The following LUC7L2 variants were observed in gnomAD, a reference collection of about 807,000 sequenced individuals.
LUC7L2 encodes the protein putative RNA-binding protein Luc7-like 2.
A neutral mutation model predicts 52.8 loss-of-function variants in LUC7L2; 25 were observed. That is an observed-to-expected ratio of 0.47 (90% CI 0.34 to 0.66). The LOEUF (loss-of-function observed/expected upper bound fraction) is 0.66. Ranked by LOEUF, LUC7L2 falls within the 30% of genes least tolerant of loss-of-function variation. LUC7L2 has a pLI of 0.01. For synonymous variants in LUC7L2, 144 were observed against 160.9 expected (o/e 0.89, Z 0.80); for missense variants, 328 against 497.8 (o/e 0.66, Z 3.25).
chr7:139,420,665 A>G (rs1232657442), intron 9 of LUC7L2, among the ~76,000 whole-genome samples: 1 of 152,208 alleles, frequency 6.6e-6, no homozygotes, highest in African/African-American at 2.4e-5. Context: ...TTTTTTAGTT[A>G]TTACTGATCA....
At chr7:139,421,768 CAGAT>C (rs1440555951) in intron 9 of LUC7L2, among the ~76,000 whole-genome samples, 1 of 152,192 alleles carries the variant, frequency 6.6e-6, no homozygotes, top group Non-Finnish European at 1.5e-5. Context: ...TGCAGTACCC[CAGAT>C]AGTCACCATC....
At chr7:139,421,193 T>G (rs1795890114) in intron 9 of LUC7L2, among the ~76,000 whole-genome samples, 1 of 152,260 alleles carries the variant, frequency 6.6e-6, no homozygotes, top group African/African-American at 2.4e-5. Flanking sequence ...CCTCCTTAAC[T>G]ATATTTCTAA....
At chr7:139,393,260 C>CGAT (rs1569383576) in intron 2 of LUC7L2, among the ~76,000 whole-genome samples, 1 of 151,900 alleles carries the variant, frequency 6.6e-6, no homozygotes, top group African/African-American at 2.4e-5. Context: ...GAGCGAGACT[C>CGAT]TGTCTCCAAA....
At chr7:139,341,361 C>A in intron 1 of LUC7L2, 1 of 1,595,640 alleles carries the variant, frequency 6.3e-7, no homozygotes, top group Non-Finnish European at 8.6e-7. Flanking sequence ...CCGTTGGGCA[C>A]CACGCTCGGA....
intron 1 of LUC7L2, among the ~76,000 whole-genome samples, chr7:139,350,716 G>GC (rs1311099325): frequency 1.3e-5 from 2 of 148,766 alleles, no homozygotes; most frequent in South Asian, 2.2e-4. Context: ...TCGCCCAGTT[G>GC]CCAGGCTGGA....
intron 2 of LUC7L2, among the ~76,000 whole-genome samples, chr7:139,386,947 C>A (rs1794228621): frequency 6.6e-6 from 1 of 152,104 alleles, no homozygotes; most frequent in African/African-American, 2.4e-5. Context: ...TCAAGCGATT[C>A]TCCTGCCTCA....
chr7:139,395,894 C>CA (rs1257720067), intron 2 of LUC7L2, among the ~76,000 whole-genome samples: 1 of 152,166 alleles, frequency 6.6e-6, no homozygotes, highest in East Asian at 1.9e-4. Flanking sequence ...GTGATCCTCC[C>CA]ACCTTGGCCC....
intron 1 of LUC7L2, 82 bp downstream of exon 1, chr7:139,360,404 C>T: frequency 7.4e-7 from 1 of 1,359,978 alleles, no homozygotes; most frequent in Non-Finnish European, 1.0e-6. Flanking sequence ...CACCTGGGCG[C>T]GCGCGTGTGG....
chr7:139,365,156 A>C (rs750534965), intron 1 of LUC7L2, among the ~76,000 whole-genome samples: 1 of 152,304 alleles, frequency 6.6e-6, no homozygotes. Context: ...GAAAAAAGAA[A>C]AGTTTTCCTC....
chr7:139,406,221 T>C (rs1795107413), intron 5 of LUC7L2, among the ~76,000 whole-genome samples: 2 of 151,986 alleles, frequency 1.3e-5, no homozygotes, highest in South Asian at 4.2e-4. Flanking sequence ...CTGGCTAATA[T>C]TTATATTTTT....
intron 2 of LUC7L2, among the ~76,000 whole-genome samples, chr7:139,391,067 T>C (rs1794430321): frequency 6.6e-6 from 1 of 152,238 alleles, no homozygotes; most frequent in Admixed American, 6.5e-5. Context: ...TGGAGAGGTT[T>C]CCATATCAGT....
At chr7:139,355,900 A>C (rs903866148), upstream of LUC7L2, among the ~76,000 whole-genome samples, 29 of 152,274 alleles carry the variant, frequency 1.9e-4, no homozygotes, top group African/African-American at 6.5e-4. Flanking sequence ...CTCATTGTTC[A>C]ATGAGTCCAT....
chr7:139,409,467 T>G, intron 6 of LUC7L2, 96 bp from the exon 7 acceptor site: 1 of 1,388,924 alleles, frequency 7.2e-7, no homozygotes, highest in Non-Finnish European at 9.4e-7. Flanking sequence ...TGACAGCAGT[T>G]GTACTGTATT....
intron 2 of LUC7L2, among the ~76,000 whole-genome samples, chr7:139,393,220 T>C (rs527851034): frequency 6.6e-6 from 1 of 151,944 alleles, no homozygotes; most frequent in African/African-American, 2.4e-5. Flanking sequence ...TGAGCTGAGA[T>C]TGCACCACTG....
chr7:139,397,621 G>A (rs1170405791), intron 2 of LUC7L2, among the ~76,000 whole-genome samples: 1 of 152,124 alleles, frequency 6.6e-6, no homozygotes, highest in Non-Finnish European at 1.5e-5. Flanking sequence ...TCTCCGCCTT[G>A]CTTTCATCAC....
intron 1 of LUC7L2, among the ~76,000 whole-genome samples, chr7:139,349,324 C>G (rs771164464): frequency 2.0e-5 from 3 of 152,176 alleles, no homozygotes; most frequent in African/African-American, 7.2e-5. Flanking sequence ...GAAGTGTATG[C>G]GTATTATGTT....
Position 139,359,950 on chromosome 7 carries a change from C to G in LUC7L2, c.-312C>G, listed in dbSNP as rs1799776243. 1 of 421,376 alleles carries G rather than the reference C, an allele frequency of 2.4e-6. No homozygotes were observed. Among genetic ancestry groups the G allele is most frequent in the Non-Finnish European group, 4.2e-6 (1 of 238,020 alleles). The allele number at this position is 421,376 out of a possible 1,614,324, so 26.1% of individuals were successfully genotyped here. On this transcript the variant is annotated 5_prime_UTR_variant, in exon 1 of 10. Transcript: ENST00000354926. ...GCGTCAGAGCTTGAGGGGGGGTTGA[C>G]GGCTTCTGGCGGGTGGCGGTGTTGA...
intron 1 of LUC7L2, chr7:139,341,444 C>T (rs776084824): frequency 6.2e-6 from 10 of 1,613,492 alleles, no homozygotes; most frequent in South Asian, 5.5e-5. Flanking sequence ...AGTTGCGCTA[C>T]CTGAGCGCGG....
At chr7:139,361,964 TCTC>T (rs1003586444) in intron 1 of LUC7L2, among the ~76,000 whole-genome samples, 15 of 152,186 alleles carry the variant, frequency 9.9e-5, no homozygotes, top group Admixed American at 7.9e-4. Flanking sequence ...AGGTAAACCA[TCTC>T]CTGATAAGTT....
Sources: gnomAD v4.1 joint callset for allele counts (sites outside exome capture counted in the v4.1 genomes callset) on GRCh38, gnomAD v4.1.1 for gene constraint, MANE v1.5 for transcripts, NCBI Gene and HGNC (gene_info 2026-07-23, HGNC 2026-07-21) for gene names.